Variants in SLC39A11 observed in about 807,000 individuals in gnomAD.
SLC39A11 encodes the protein solute carrier family 39 member 11.
Under a neutral mutation model 36.1 loss-of-function variants are expected in SLC39A11, and 33 were observed. The ratio of observed to expected loss-of-function variants is 0.91; its 90% CI spans 0.69 to 1.22. SLC39A11 has a LOEUF of 1.22. SLC39A11 is among the 50% of genes most tolerant of loss of function. SLC39A11 has a pLI of 0.00. For synonymous variants in SLC39A11, 166 were observed against 170.3 expected, an observed-to-expected ratio of 0.97 and a Z score of 0.20; for missense variants, 432 against 430.3, an observed-to-expected ratio of 1.00 and a Z score of -0.03.
At chr17:72,769,540 C>CT (rs527616290) in intron 6 of SLC39A11, among the ~76,000 whole-genome samples, 137 of 146,964 alleles carry the variant, frequency 9.3e-4, no homozygotes, top group Middle Eastern at 3.5e-3. Context: ...ATAGATGCAT[C>CT]TTTTTTTTTT....
chr17:72,721,985 A>AAAAAAC (rs1344190281), intron 7 of SLC39A11, among the ~76,000 whole-genome samples: 1 of 151,518 alleles, frequency 6.6e-6, no homozygotes, highest in Admixed American at 6.6e-5. Context: ...AAAAAAAAAA[A>AAAAAAC]AGTATACCCT....
intron 5 of SLC39A11, among the ~76,000 whole-genome samples, chr17:72,914,794 G>T (rs2083238228): frequency 6.6e-6 from 1 of 152,018 alleles, no homozygotes; most frequent in South Asian, 2.1e-4. Flanking sequence ...CTTGAACTCG[G>T]GAGGCGGAGG....
intron 3 of SLC39A11, among the ~76,000 whole-genome samples, chr17:73,033,034 T>C (rs773443614): frequency 6.6e-5 from 10 of 152,122 alleles, no homozygotes; most frequent in Non-Finnish European, 1.0e-4. Context: ...GGCAGTGGTT[T>C]TGGGATGAAA....
intron 6 of SLC39A11, among the ~76,000 whole-genome samples, chr17:72,831,572 T>C (rs1272932919): frequency 6.6e-6 from 1 of 152,230 alleles, no homozygotes; most frequent in Non-Finnish European, 1.5e-5. Context: ...ACAGGAATTA[T>C]AGATTCTGAC....
At chr17:72,743,376 T>C (rs1305192721) in intron 6 of SLC39A11, among the ~76,000 whole-genome samples, 1 of 152,168 alleles carries the variant, frequency 6.6e-6, no homozygotes, top group African/African-American at 2.4e-5. Context: ...GCATTTTCCC[T>C]CCGGCCCATC....
intron 5 of SLC39A11, among the ~76,000 whole-genome samples, chr17:72,925,001 C>CCAA (rs2083952358): frequency 1.5e-5 from 1 of 68,954 alleles, no homozygotes; most frequent in African/African-American, 4.3e-5. Flanking sequence ...GACTCCATTT[C>CCAA]AAAAAAAAAA....
intron 5 of SLC39A11, among the ~76,000 whole-genome samples, chr17:72,901,059 C>A (rs4969131): frequency 6.6e-6 from 1 of 151,738 alleles, no homozygotes; most frequent in East Asian, 1.9e-4. Context: ...GCTGAGGAAA[C>A]CCATCAGAAT....
intron 7 of SLC39A11, among the ~76,000 whole-genome samples, chr17:72,664,457 T>C (rs142008624): frequency 1.3e-5 from 2 of 152,306 alleles, no homozygotes; most frequent in African/African-American, 4.8e-5. Flanking sequence ...CTGTCACACC[T>C]TATATGCAAT....
chr17:72,884,033 T>C (rs2081337033), intron 5 of SLC39A11, among the ~76,000 whole-genome samples: 1 of 152,132 alleles, frequency 6.6e-6, no homozygotes, highest in Non-Finnish European at 1.5e-5. Flanking sequence ...CGTGCACCTG[T>C]GGTCCCAGCT....
chr17:72,680,651 A>G (rs4530179), intron 7 of SLC39A11, among the ~76,000 whole-genome samples: 124,500 of 152,204 alleles, frequency 0.82, 51,013 homozygotes, highest in African/African-American at 0.84. Context: ...ACCCAATGTC[A>G]GGTATGTCTG....
At chr17:72,901,986 G>A (rs1182674271) in intron 5 of SLC39A11, among the ~76,000 whole-genome samples, 1 of 152,080 alleles carries the variant, frequency 6.6e-6, no homozygotes, top group Non-Finnish European at 1.5e-5. Flanking sequence ...ATAAGAAGAG[G>A]AGAGGCCGGG....
At chr17:72,731,093 A>T (rs1172391060) in intron 7 of SLC39A11, among the ~76,000 whole-genome samples, 1 of 152,180 alleles carries the variant, frequency 6.6e-6, no homozygotes, top group Non-Finnish European at 1.5e-5. Flanking sequence ...CTACCTTGGC[A>T]CTTGCACGAC....
rs538479401 is a variant in SLC39A11 at position 72,912,650 on chromosome 17, G to A, written c.430+35102C>T. On this transcript the variant is annotated intron_variant, in intron 5 of 9. Coordinates refer to ENST00000255559, the MANE Select transcript of SLC39A11 (RefSeq NM_139177.4). ...ATGGTGGCAACTTCAGTAGGCTGACGGAGGAGAACCTGAGGGTACGGGGGT... is the reference window on the plus strand; with the variant it reads ...ATGGTGGCAACTTCAGTAGGCTGACAGAGGAGAACCTGAGGGTACGGGGGT... 1.2e-4 allele frequency among the ~76,000 whole-genome samples: 18 copies of A among 152,136 alleles called. No homozygotes were observed. In the South Asian group the frequency reaches 3.1e-3, roughly 26 times the overall value.
intron 4 of SLC39A11, among the ~76,000 whole-genome samples, chr17:72,968,919 T>A (rs570653330): frequency 6.6e-6 from 1 of 152,016 alleles, no homozygotes; most frequent in Non-Finnish European, 1.5e-5. Flanking sequence ...GCCTACACCG[T>A]CCCCTGCTTG....
intron 7 of SLC39A11, among the ~76,000 whole-genome samples, chr17:72,689,990 G>A (rs1412107964): frequency 7.9e-5 from 12 of 152,204 alleles, no homozygotes; most frequent in Admixed American, 2.6e-4. Context: ...CCTCTCCACC[G>A]AGCGCTGTGT....
intron 6 of SLC39A11, among the ~76,000 whole-genome samples, chr17:72,848,902 T>C (rs1382523035): frequency 6.6e-6 from 1 of 152,190 alleles, no homozygotes; most frequent in Admixed American, 6.6e-5. Flanking sequence ...GCTGGTTCCC[T>C]GCGCAGTAGA....
chr17:72,745,793 C>T (rs186591275), intron 6 of SLC39A11, among the ~76,000 whole-genome samples: 67 of 152,156 alleles, frequency 4.4e-4, no homozygotes, highest in African/African-American at 1.5e-3. Context: ...AGAAAATAAG[C>T]GGTGATGCTA....
In SLC39A11 at chr17:73,050,488, C is replaced by T. The variant is rs1470973567; in HGVS notation, c.148-18774G>A. Among the ~76,000 whole-genome samples the T allele has an allele frequency of 3.1e-4, 42 of 133,734 alleles. 1 individual carries two copies. The highest frequency in any genetic ancestry group is 2.8e-3 in the Admixed American group (38 of 13,356). The allele number at this position is 133,734 out of a possible 152,430, so 87.7% of individuals were successfully genotyped here. A position where few individuals can be genotyped will look rare whatever the true frequency, so the allele number is the denominator to read the frequency against. ...TTTTTTTTTTTTTTTTTTTGAGACA[C>T]AGTTTCACTCTGTCGCCCAGGCTGG... On this transcript the variant is annotated intron_variant, in intron 3 of 9. Coordinates refer to ENST00000255559, the MANE Select transcript of SLC39A11 (RefSeq NM_139177.4).
intron 7 of SLC39A11, among the ~76,000 whole-genome samples, chr17:72,693,170 G>C (rs548096402): frequency 1.3e-5 from 2 of 152,310 alleles, no homozygotes; most frequent in African/African-American, 2.4e-5. Flanking sequence ...AGGTCAAAAG[G>C]CTGAGCCCTC....
Sources: gnomAD v4.1 joint callset for allele counts (sites outside exome capture counted in the v4.1 genomes callset) on GRCh38, gnomAD v4.1.1 for gene constraint, MANE v1.5 for transcripts, NCBI Gene and HGNC (gene_info 2026-07-23, HGNC 2026-07-21) for gene names.